The following RIBC2 variants were observed in gnomAD, a reference collection of about 807,000 sequenced individuals.
RIBC2 encodes RIB43A domain with coiled-coils 2.
Under a neutral mutation model 44.3 loss-of-function variants are expected in RIBC2, and 40 were observed. That is an observed-to-expected ratio of 0.90 (90% CI 0.70 to 1.18). RIBC2 has a LOEUF of 1.18. Among genes scored for constraint, RIBC2 ranks in the 50% most tolerant of loss-of-function variants. The pLI, the probability that RIBC2 is intolerant of heterozygous loss-of-function variation, is 0.00. For missense variants in RIBC2, 459 were observed against 485.5 expected, an observed-to-expected ratio of 0.95 and a Z score of 0.51; for synonymous variants, 171 against 175.0, an observed-to-expected ratio of 0.98 and a Z score of 0.18.
intron 3 of RIBC2, among the ~76,000 whole-genome samples, chr22:45,420,099 C>T (rs994145136): frequency 6.6e-6 from 1 of 152,170 alleles, no homozygotes; most frequent in African/African-American, 2.4e-5. Flanking sequence ...ACATTTCACT[C>T]AGAGTAAACG....
Sources: allele counts gnomAD v4.1 joint callset (sites outside exome capture counted in the v4.1 genomes callset), GRCh38; gene constraint gnomAD v4.1.1; transcripts MANE v1.5; gene names NCBI Gene and HGNC (gene_info 2026-07-23, HGNC 2026-07-21).